Variants in CDH12 observed in about 807,000 individuals in gnomAD.
CDH12 encodes the protein cadherin 12, also known as cadherin-12.
Under a neutral mutation model 74.1 loss-of-function variants are expected in CDH12, and 41 were observed. The observed-to-expected ratio is 0.55, with a 90% confidence interval of 0.43 to 0.72. The LOEUF (loss-of-function observed/expected upper bound fraction) is 0.72, where lower values mean the gene tolerates loss of function less well. CDH12 is among the 30% of genes least tolerant of loss of function. CDH12 has a pLI of 0.00. For synonymous variants in CDH12, 399 were observed against 355.0 expected, an observed-to-expected ratio of 1.12 and a Z score of -1.39; for missense variants, 945 against 977.2, an observed-to-expected ratio of 0.97 and a Z score of 0.44.
intron 1 of CDH12, among the ~76,000 whole-genome samples, chr5:22,588,075 T>A (rs936965511): frequency 6.7e-6 from 1 of 150,276 alleles, no homozygotes; most frequent in African/African-American, 2.4e-5. Flanking sequence ...TCATATGCAA[T>A]AAATACATAC....
At chr5:22,159,505 T>G (rs1167636789) in intron 4 of CDH12, among the ~76,000 whole-genome samples, 9 of 152,188 alleles carry the variant, frequency 5.9e-5, no homozygotes, top group Non-Finnish European at 1.3e-4. Context: ...TAATTATAGC[T>G]TACATGGTTC....
chr5:22,677,537 G>A (rs1741262767), intron 1 of CDH12, among the ~76,000 whole-genome samples: 2 of 151,860 alleles, frequency 1.3e-5, no homozygotes, highest in African/African-American at 2.4e-5. Context: ...ACCTCTCAAA[G>A]CCCTCACCTC....
At chr5:22,815,783 AAAT>A (rs1561051309) in intron 1 of CDH12, among the ~76,000 whole-genome samples, 1 of 144,462 alleles carries the variant, frequency 6.9e-6, no homozygotes, top group Non-Finnish European at 1.5e-5. Flanking sequence ...AAAAAAAAAA[AAAT>A]AAATAAATAA....
rs552350428 is a variant in CDH12 at position 22,754,304 on chromosome 5, A to T, written c.-523+98754T>A. 1.4e-4 allele frequency among the ~76,000 whole-genome samples: 22 copies of T among 152,304 alleles called. No individual in the cohort carries two copies. The East Asian group carries it at 4.1e-3, about 28-fold the overall frequency. The stretch of plus-strand genomic sequence containing the variant: ...TGCCAAACAAAAACGAAAACAAAAA[A>T]TTATAGGAGCCTGTTCTAAGTACTG... On this transcript the variant is annotated intron_variant, in intron 1 of 14. Coordinates refer to ENST00000382254, the MANE Select transcript of CDH12 (RefSeq NM_004061.5).
chr5:22,679,701 T>C (rs1162255440), intron 1 of CDH12, among the ~76,000 whole-genome samples: 1 of 152,122 alleles, frequency 6.6e-6, no homozygotes, highest in Non-Finnish European at 1.5e-5. Context: ...AGGTTTATTA[T>C]GAATCATCAT....
At chr5:22,506,552 A>C (rs114835619) in intron 1 of CDH12, among the ~76,000 whole-genome samples, 2,749 of 152,132 alleles carry the variant, frequency 0.018, 84 homozygotes, top group African/African-American at 0.063. Context: ...ATGTTAATTT[A>C]AAAATGCATA....
intron 1 of CDH12, among the ~76,000 whole-genome samples, chr5:22,532,067 A>G (rs1737608421): frequency 6.6e-6 from 1 of 151,998 alleles, no homozygotes; most frequent in Non-Finnish European, 1.5e-5. Flanking sequence ...GACAAGTCAC[A>G]TGGAGCTGCA....
intron 1 of CDH12, among the ~76,000 whole-genome samples, chr5:22,524,055 C>T (rs376301602): frequency 2.6e-5 from 4 of 151,008 alleles, no homozygotes; most frequent in Non-Finnish European, 5.9e-5. Flanking sequence ...CATTACGGCT[C>T]ACTGCAGCCT....
chr5:21,954,251 T>C (rs1028913104), intron 6 of CDH12, among the ~76,000 whole-genome samples: 29 of 147,316 alleles, frequency 2.0e-4, no homozygotes, highest in African/African-American at 6.9e-4. Flanking sequence ...TTGGGATTTC[T>C]TTTTTTTTTT....
intron 11 of CDH12, among the ~76,000 whole-genome samples, chr5:21,767,727 A>G (rs1159951720): frequency 6.6e-6 from 1 of 151,694 alleles, no homozygotes; most frequent in Non-Finnish European, 1.5e-5. Flanking sequence ...TCTGTTTAAT[A>G]ATATTACTCT....
At chr5:22,267,646 T>C (rs1736185901) in intron 3 of CDH12, among the ~76,000 whole-genome samples, 1 of 152,148 alleles carries the variant, frequency 6.6e-6, no homozygotes, top group African/African-American at 2.4e-5. Context: ...TTCTGATGGA[T>C]GTTGACCAAT....
intron 14 of CDH12, among the ~76,000 whole-genome samples, chr5:21,754,900 T>A (rs1165004509): frequency 6.6e-6 from 1 of 152,178 alleles, no homozygotes; most frequent in African/African-American, 2.4e-5. Context: ...AACTTCCTAA[T>A]AGGTTTATAT....
At position 22,099,916 on chromosome 5, in the gene CDH12, C is replaced by G. The variant is rs143065905; in HGVS notation, c.-186-21054G>C. 5.2e-3 allele frequency among the ~76,000 whole-genome samples: 785 copies of G among 152,188 alleles called. 7 individuals carry two copies. Among genetic ancestry groups the G allele is most frequent in the African/African-American group, 0.018 (739 of 41,514 alleles). ...GGCCATCACCAATAATTCTAAATGA[C>G]AAATATTTCTTCTAACAGTCCCACA... On this transcript the variant is annotated intron_variant, in intron 4 of 14. Coordinates refer to ENST00000382254, the MANE Select transcript of CDH12 (RefSeq NM_004061.5).
intron 1 of CDH12, among the ~76,000 whole-genome samples, chr5:22,675,563 A>T (rs1741122152): frequency 6.6e-6 from 1 of 152,048 alleles, no homozygotes; most frequent in African/African-American, 2.4e-5. Flanking sequence ...TAATGCTGAA[A>T]TGAGTTAAGA....
chr5:21,962,254 T>A (rs537332368), intron 6 of CDH12, among the ~76,000 whole-genome samples: 1 of 152,230 alleles, frequency 6.6e-6, no homozygotes, highest in Admixed American at 6.5e-5. Context: ...CCCATGTCAT[T>A]CAATCTCTTA....
chr5:22,069,162 C>A (rs537092839), intron 5 of CDH12, among the ~76,000 whole-genome samples: 24 of 152,310 alleles, frequency 1.6e-4, no homozygotes, highest in African/African-American at 5.5e-4. Flanking sequence ...CCACACAGCA[C>A]TGCTTCTGAT....
chr5:22,029,494 C>CA (rs1282388699), intron 5 of CDH12, among the ~76,000 whole-genome samples: 5 of 150,184 alleles, frequency 3.3e-5, no homozygotes, highest in Non-Finnish European at 6.0e-5. Context: ...TTTATGCAGC[C>CA]AAAAAACACA....
chr5:22,825,001 G>A (rs542655817), intron 1 of CDH12, among the ~76,000 whole-genome samples: 1 of 151,800 alleles, frequency 6.6e-6, no homozygotes, highest in East Asian at 1.9e-4. Context: ...AAAAAGGCTT[G>A]TGAGAAAAAC....
At chr5:22,095,027 C>T (rs1056194988) in intron 4 of CDH12, among the ~76,000 whole-genome samples, 10 of 152,296 alleles carry the variant, frequency 6.6e-5, no homozygotes, top group African/African-American at 2.2e-4. Flanking sequence ...TCACACAAAG[C>T]CTGTTTAGTG....
Sources: gnomAD v4.1 joint callset for allele counts (sites outside exome capture counted in the v4.1 genomes callset) on GRCh38, gnomAD v4.1.1 for gene constraint, MANE v1.5 for transcripts, NCBI Gene and HGNC (gene_info 2026-07-23, HGNC 2026-07-21) for gene names.